Variants in DCAF8 observed in about 807,000 individuals in gnomAD.
DCAF8 encodes DDB1 and CUL4 associated factor 8.
A neutral mutation model predicts 68.0 loss-of-function variants in DCAF8; 20 were observed. That is an observed-to-expected ratio of 0.29 (90% CI 0.21 to 0.43). The LOEUF (loss-of-function observed/expected upper bound fraction) is 0.43. DCAF8 is among the 20% of genes least tolerant of loss of function. The pLI is 1.00. For missense variants in DCAF8, 460 were observed against 771.0 expected (o/e 0.60, Z 4.78); for synonymous variants, 230 against 276.9 (o/e 0.83, Z 1.68).
At chr1:160,233,308 G>A (rs924631140) in intron 6 of DCAF8, among the ~76,000 whole-genome samples, 2 of 152,096 alleles carry the variant, frequency 1.3e-5, no homozygotes, top group African/African-American at 4.8e-5. Context: ...CAGCACTTTG[G>A]GAGACTGAGG....
rs185133814 is a variant in DCAF8, at chr1:160,237,467, T to C, written c.865-238A>G. Among the ~76,000 whole-genome samples the C allele has an allele frequency of 1.7e-3, 263 of 152,366 alleles. 2 individuals are homozygous for C. The highest frequency in any genetic ancestry group is 1.3e-3 in the Non-Finnish European group (87 of 68,040). On this transcript the variant is annotated intron_variant, in intron 5 of 13. Transcript: ENST00000368074. ...TAGTCAAAGGACAGTTGATTTGCTA[T>C]TTCAACTAAGTCCTCAAGAGATATG...
intron 2 of DCAF8, among the ~76,000 whole-genome samples, chr1:160,255,286 T>A (rs1247015236): frequency 6.6e-6 from 1 of 152,222 alleles, no homozygotes; most frequent in East Asian, 1.9e-4. Flanking sequence ...CTCTTTTAAT[T>A]TTTAAAATAG....
At chr1:160,259,376 T>C (rs947797791) in intron 2 of DCAF8, among the ~76,000 whole-genome samples, 9 of 151,852 alleles carry the variant, frequency 5.9e-5, no homozygotes, top group African/African-American at 2.2e-4. Context: ...CTACTAAAAA[T>C]ACAAAAATTA....
intron 11 of DCAF8, among the ~76,000 whole-genome samples, 183 bp downstream of exon 11, chr1:160,222,467 AG>A (rs1557829140): frequency 6.6e-6 from 1 of 152,232 alleles, no homozygotes; most frequent in Non-Finnish European, 1.5e-5. Flanking sequence ...GACAGAAGAT[AG>A]GAACAGGAAG....
chr1:160,241,006 T>C (rs1008657492), intron 3 of DCAF8, among the ~76,000 whole-genome samples: 2 of 151,900 alleles, frequency 1.3e-5, no homozygotes, highest in Non-Finnish European at 2.9e-5. Flanking sequence ...CTACTAAAAA[T>C]ACAAAAAATT....
intron 2 of DCAF8, among the ~76,000 whole-genome samples, chr1:160,251,472 T>C (rs886975639): frequency 6.6e-6 from 1 of 152,218 alleles, no homozygotes; most frequent in Non-Finnish European, 1.5e-5. Context: ...ATAGTGGTTT[T>C]GCAGATGTTC....
intron 2 of DCAF8, among the ~76,000 whole-genome samples, chr1:160,247,123 T>G (rs927900852): frequency 6.6e-6 from 1 of 152,242 alleles, no homozygotes; most frequent in South Asian, 2.1e-4. Flanking sequence ...TCAACTTTCA[T>G]GTAAAATCTA....
At chr1:160,242,629 T>C (rs1011464357) in intron 3 of DCAF8, among the ~76,000 whole-genome samples, 1 of 151,694 alleles carries the variant, frequency 6.6e-6, no homozygotes, top group African/African-American at 2.4e-5. Flanking sequence ...AGATCTAGAG[T>C]AGGGGTTTGC....
At chr1:160,262,404 C>G (rs1657142049) in intron 1 of DCAF8, 45 bp downstream of exon 1, 1 of 400,448 alleles carries the variant, frequency 2.5e-6, no homozygotes, top group Non-Finnish European at 4.4e-6. Flanking sequence ...GTTCCAGGCC[C>G]AGCCGCCCCG....
At chr1:160,231,850 G>A (rs1655699358) in intron 6 of DCAF8, among the ~76,000 whole-genome samples, 1 of 152,088 alleles carries the variant, frequency 6.6e-6, no homozygotes, top group South Asian at 2.1e-4. Flanking sequence ...GAAACAGTAG[G>A]CTAAAAAAGA....
chr1:160,226,493 G>A lies in DCAF8; in HGVS notation c.1071-830C>T, dbSNP rs1655478577. 2.0e-5 allele frequency among the ~76,000 whole-genome samples: 3 copies of A among 152,272 alleles called. No individual in the cohort carries two copies. In the South Asian group the frequency reaches 6.2e-4, roughly 32 times the overall value. ...TATTATGCTAGGTGCTAGAAATACA[G>A]TGAGGAACAAGACAGATCCAGTATC... On this transcript the variant is annotated intron_variant, in intron 7 of 13. Transcript: ENST00000368074.
At position 160,224,548 on chromosome 1, in the gene DCAF8, C is replaced by T. The variant is rs1655404199; in HGVS notation, c.1203G>A (p.Glu401=). ...TCLVYSHDGT[E]LLASYNDEDI... is the part of the protein sequence containing the mutation. ...CTTCATCATTGTAACTGGCCAGGAG[C>T]TCTGCCAAGAACAAGAACATAGCAG... is the stretch of plus-strand genomic sequence containing the variant. The change falls in exon 10 of 14, where the codon GAG becomes GAA. Residue 401 remains glutamate, a splice_region_variant and synonymous_variant. Coordinates refer to ENST00000368074, the MANE Select transcript of DCAF8 (RefSeq NM_015726.4). 1.9e-6 allele frequency: 3 copies of T among 1,612,582 alleles called. No individual in the cohort carries two copies. The highest frequency in any genetic ancestry group is 2.5e-6 in the Non-Finnish European group (3 of 1,178,672).
chr1:160,262,199 C>A (rs1186904264), intron 1 of DCAF8: 1 of 396,086 alleles, frequency 2.5e-6, no homozygotes, highest in Non-Finnish European at 4.4e-6. Flanking sequence ...GCTTGGGATA[C>A]GGGTCAGGCC....
chr1:160,242,586 G>A (rs897695613), intron 3 of DCAF8, among the ~76,000 whole-genome samples: 1 of 152,116 alleles, frequency 6.6e-6, no homozygotes, highest in African/African-American at 2.4e-5. Flanking sequence ...GGTATCACAA[G>A]CTCATCAAGA....
At chr1:160,242,168 CT>C (rs1385697782) in intron 3 of DCAF8, among the ~76,000 whole-genome samples, 3 of 151,056 alleles carry the variant, frequency 2.0e-5, no homozygotes, top group Admixed American at 2.0e-4. Context: ...TCGCTTGAAC[CT>C]GGGAGGTGGA....
intron 2 of DCAF8, among the ~76,000 whole-genome samples, chr1:160,251,961 GA>G (rs1336037566): frequency 6.6e-6 from 1 of 152,196 alleles, no homozygotes; most frequent in African/African-American, 2.4e-5. Flanking sequence ...TGAGCAGAAA[GA>G]AACTGAATGT....
intron 2 of DCAF8, among the ~76,000 whole-genome samples, chr1:160,248,907 A>AG (rs1656467635): frequency 6.6e-6 from 1 of 150,540 alleles, no homozygotes; most frequent in South Asian, 2.1e-4. Context: ...AAAAAAAAAA[A>AG]GAGGGCGGGT....
intron 1 of DCAF8, chr1:160,262,105 A>T (rs531570017): frequency 9.5e-5 from 36 of 378,358 alleles, no homozygotes; most frequent in Non-Finnish European, 1.6e-4. Flanking sequence ...TGGGGGCAAC[A>T]CCAGGGCTGA....
At chr1:160,255,350 T>C (rs74125544) in intron 2 of DCAF8, among the ~76,000 whole-genome samples, 2,447 of 152,276 alleles carry the variant, frequency 0.016, 59 homozygotes, top group African/African-American at 0.056. Context: ...TGCCGCGTGG[T>C]CTCAAACTCC....
Sources: allele counts gnomAD v4.1 joint callset (sites outside exome capture counted in the v4.1 genomes callset), GRCh38; gene constraint gnomAD v4.1.1; transcripts MANE v1.5; gene names NCBI Gene and HGNC (gene_info 2026-07-23, HGNC 2026-07-21).